Variants in CDH18 observed in about 807,000 individuals in gnomAD.
CDH18 encodes the protein cadherin-18.
In CDH18, 31 loss-of-function variants were observed where a neutral mutation model predicts 67.9. The observed-to-expected ratio is 0.46, with a 90% CI of 0.34 to 0.62. The LOEUF (loss-of-function observed/expected upper bound fraction) is 0.62, where lower values mean the gene tolerates loss of function less well. Ranked by LOEUF, CDH18 falls within the 20% of genes least tolerant of loss-of-function variation. The pLI is 0.01. For missense variants in CDH18, 890 were observed against 975.5 expected, an observed-to-expected ratio of 0.91 and a Z score of 1.17; for synonymous variants, 362 against 347.2, an observed-to-expected ratio of 1.04 and a Z score of -0.48.
At chr5:19,744,170 C>T (rs1769639878) in intron 4 of CDH18, among the ~76,000 whole-genome samples, 1 of 151,938 alleles carries the variant, frequency 6.6e-6, no homozygotes, top group Non-Finnish European at 1.5e-5. Context: ...CTTAAGGTTT[C>T]CCATAAAATA....
At chr5:20,521,294 G>A (rs898774847) in intron 1 of CDH18, among the ~76,000 whole-genome samples, 2 of 152,070 alleles carry the variant, frequency 1.3e-5, no homozygotes, top group African/African-American at 4.8e-5. Context: ...AAGCAAAATG[G>A]TTTGAAAATG....
chr5:20,045,767 A>T (rs1740842569), intron 2 of CDH18, among the ~76,000 whole-genome samples: 1 of 151,994 alleles, frequency 6.6e-6, no homozygotes, highest in Non-Finnish European at 1.5e-5. Flanking sequence ...GGCACCAACC[A>T]CCTGGGAAAG....
chr5:20,559,005 G>A (rs1444806202), intron 1 of CDH18, among the ~76,000 whole-genome samples: 2 of 150,930 alleles, frequency 1.3e-5, no homozygotes, highest in Non-Finnish European at 2.9e-5. Flanking sequence ...TTGTTGAGTT[G>A]ATGAATCACT....
In CDH18 at chr5:19,751,094, G is replaced by C. The variant is rs1177059993; in HGVS notation, c.229-3858C>G. Among the ~76,000 whole-genome samples, 7 of 152,044 alleles carry C rather than the reference G, an allele frequency of 4.6e-5. No individual in the cohort carries two copies. In the East Asian group the frequency reaches 9.7e-4, roughly 21 times the overall value. The stretch of plus-strand genomic sequence containing the variant: ...ACTTTAATAAATTGTCACTTTCTTA[G>C]CATTAAGTAGTAACCTATGGCACTT... On this transcript the variant is annotated intron_variant, in intron 3 of 12. Coordinates refer to ENST00000382275, the MANE Select transcript of CDH18 (RefSeq NM_004934.5).
At chr5:20,226,877 T>C (rs1404781184) in intron 2 of CDH18, among the ~76,000 whole-genome samples, 1 of 151,948 alleles carries the variant, frequency 6.6e-6, no homozygotes, top group African/African-American at 2.4e-5. Flanking sequence ...ATTTGCTCCT[T>C]CCTTAATAGC....
chr5:20,337,015 G>A (rs1739836196), intron 1 of CDH18, among the ~76,000 whole-genome samples: 1 of 152,088 alleles, frequency 6.6e-6, no homozygotes, highest in African/African-American at 2.4e-5. Context: ...CTCCCATTTG[G>A]GCAAAGCCCA....
chr5:20,301,183 T>TTTG (rs1561952494), intron 1 of CDH18, among the ~76,000 whole-genome samples: 1,479 of 142,756 alleles, frequency 0.01, 10 homozygotes, highest in Middle Eastern at 0.017. Context: ...TTTTTTGTTT[T>TTTG]TTTGTTTGTT....
At chr5:20,240,243 T>A (rs1281548930) in intron 2 of CDH18, among the ~76,000 whole-genome samples, 2 of 150,784 alleles carry the variant, frequency 1.3e-5, no homozygotes, top group African/African-American at 2.4e-5. Context: ...CTTAATACAT[T>A]AGTTTTTATC....
rs1402765091 is a variant in CDH18, at chr5:20,032,261, A to T, written c.-517-40247T>A. Among the ~76,000 whole-genome samples, 3 of 150,918 alleles carry T rather than the reference A, an allele frequency of 2.0e-5. No individual in the cohort carries two copies. In the East Asian group the frequency reaches 5.8e-4, roughly 29 times the overall value. The stretch of plus-strand genomic sequence containing the variant: ...TGTATATATATATAATATATATATA[A>T]AACAAAGTTTAAAAGAAAGAAGAAA... On this transcript the variant is annotated intron_variant, in intron 2 of 14. Coordinates refer to the CDH18 transcript ENST00000507958.
At chr5:19,573,634 C>G (rs760725496) in intron 7 of CDH18, among the ~76,000 whole-genome samples, 1 of 152,106 alleles carries the variant, frequency 6.6e-6, no homozygotes, top group African/African-American at 2.4e-5. Context: ...TTCCTTGAAT[C>G]CTTCCTCCTT....
intron 1 of CDH18, among the ~76,000 whole-genome samples, chr5:20,493,576 AG>A: frequency 6.6e-6 from 1 of 152,134 alleles, no homozygotes; most frequent in East Asian, 1.9e-4. Context: ...GAGTGACAAC[AG>A]GGAAAACTTC....
intron 5 of CDH18, among the ~76,000 whole-genome samples, chr5:19,616,089 A>G (rs1749786380): frequency 6.6e-6 from 1 of 152,158 alleles, no homozygotes; most frequent in South Asian, 2.1e-4. Context: ...TTTATCTGAA[A>G]TTGTGAACAG....
At chr5:20,056,054 G>T (rs1261443105) in intron 2 of CDH18, among the ~76,000 whole-genome samples, 2 of 137,936 alleles carry the variant, frequency 1.4e-5, no homozygotes, top group Non-Finnish European at 1.5e-5. Flanking sequence ...ACCCAGGCTG[G>T]AGTGCAGTGG....
In CDH18 at chr5:19,502,979, T is replaced by C; in HGVS notation, c.1630+13A>G. 1.5e-6 allele frequency: 2 copies of C among 1,377,294 alleles called. No homozygotes were observed. Among genetic ancestry groups the C allele is most frequent in the Non-Finnish European group, 2.1e-6 (2 of 964,440 alleles). The allele number at this position is 1,377,294 out of a possible 1,614,324, so 85.3% of individuals were successfully genotyped here. On this transcript the variant is annotated intron_variant, in intron 11 of 12. Transcript: ENST00000382275. ...TACCACATAGATAAACAAATATGTGTATATATGTTCACCTTCATTGTCCTT... is the reference window on the plus strand; with the variant it reads ...TACCACATAGATAAACAAATATGTGCATATATGTTCACCTTCATTGTCCTT...
At chr5:20,565,320 T>G (rs1047799997) in intron 1 of CDH18, among the ~76,000 whole-genome samples, 1 of 152,134 alleles carries the variant, frequency 6.6e-6, no homozygotes, top group Non-Finnish European at 1.5e-5. Flanking sequence ...CAGTAAAATT[T>G]TAGTAGAAAG....
chr5:20,506,385 G>C (rs1005496670), intron 1 of CDH18, among the ~76,000 whole-genome samples: 1 of 152,186 alleles, frequency 6.6e-6, no homozygotes, highest in African/African-American at 2.4e-5. Context: ...TACCTTCCTG[G>C]CTCAGGACTC....
At chr5:19,594,061 G>C (rs566478494) in intron 6 of CDH18, among the ~76,000 whole-genome samples, 1 of 152,104 alleles carries the variant, frequency 6.6e-6, no homozygotes, top group South Asian at 2.1e-4. Context: ...TGTTAATCCA[G>C]TTTGAATTAG....
At chr5:19,747,306 TC>T (rs1350591774) in intron 3 of CDH18, 70 bp from the exon 4 acceptor site, 1 of 1,257,992 alleles carries the variant, frequency 7.9e-7, no homozygotes, top group Non-Finnish European at 1.1e-6. Flanking sequence ...CTCTGAAAAC[TC>T]CCTATCTATA....
At chr5:20,379,628 A>T (rs1216077514) in intron 1 of CDH18, among the ~76,000 whole-genome samples, 1 of 152,176 alleles carries the variant, frequency 6.6e-6, no homozygotes, top group Non-Finnish European at 1.5e-5. Context: ...AATGACATAT[A>T]TAAGTATATA....
Sources: allele counts gnomAD v4.1 joint callset (sites outside exome capture counted in the v4.1 genomes callset), GRCh38; gene constraint gnomAD v4.1.1; transcripts MANE v1.5; gene names NCBI Gene and HGNC (gene_info 2026-07-23, HGNC 2026-07-21).